Variants in ANK3 observed in about 807,000 individuals in gnomAD.
ANK3 encodes the protein ankyrin-3.
A neutral mutation model predicts 370.9 loss-of-function variants in ANK3; 57 were observed. That is an observed-to-expected ratio of 0.15 (90% CI 0.12 to 0.19). The LOEUF (loss-of-function observed/expected upper bound fraction) is 0.19. Among genes scored for constraint, ANK3 ranks in the 10% least tolerant of loss-of-function variants. The pLI, the probability that ANK3 is intolerant of heterozygous loss-of-function variation, is 1.00. For missense variants in ANK3, 4,439 were observed against 5,302.1 expected, an observed-to-expected ratio of 0.84 and a Z score of 5.06; for synonymous variants, 1,929 against 1,946.3, an observed-to-expected ratio of 0.99 and a Z score of 0.23.
In ANK3 at chr10:60,165,785, T is replaced by C. The variant is rs185068243; in HGVS notation, c.2614+806A>G. On this transcript the variant is annotated intron_variant, in intron 23 of 43. Coordinates refer to ENST00000280772, the MANE Select transcript of ANK3 (RefSeq NM_020987.5). ...GGAGGTCATAATAGGGTAGACTGTA[T>C]TTGATGATCTCCCATCATTTGGGAG... Among the ~76,000 whole-genome samples, 443 of 152,302 alleles carry C rather than the reference T, an allele frequency of 2.9e-3. 2 individuals carry two copies. Among genetic ancestry groups the C allele is most frequent in the Non-Finnish European group, 4.8e-3 (328 of 68,022 alleles).
intron 1 of ANK3, among the ~76,000 whole-genome samples, chr10:60,624,958 C>T (rs1180885550): frequency 6.6e-6 from 1 of 152,132 alleles, no homozygotes; most frequent in Admixed American, 6.5e-5. Flanking sequence ...ACTTCAATTC[C>T]TTCTTCCCTG....
chr10:60,355,986 T>C (rs959366604), intron 1 of ANK3, among the ~76,000 whole-genome samples: 2 of 152,200 alleles, frequency 1.3e-5, no homozygotes, highest in African/African-American at 2.4e-5. Flanking sequence ...GGCATCGTGG[T>C]AGGATTCAAA....
chr10:60,676,302 T>C (rs1170453353), intron 1 of ANK3, among the ~76,000 whole-genome samples: 1 of 152,200 alleles, frequency 6.6e-6, no homozygotes, highest in Non-Finnish European at 1.5e-5. Flanking sequence ...GAAATTGGCT[T>C]AAAAGGATAT....
In ANK3 at chr10:60,173,088, C is replaced by T; in HGVS notation, c.2283G>A (p.Lys761=). ...AGAAACAAAAAAGGAAGGAGCTTAC[C>T]TTTGTTTTGGCATTAACTTTTGCAG... The part of the protein sequence containing the change: ...QHSAKVNAKT[K]NGYTPLHQAA... The change falls in exon 19 of 44, where the codon AAG becomes AAA. Residue 761 remains lysine (K), a splice_region_variant and synonymous_variant. Coordinates refer to ENST00000280772, the MANE Select transcript of ANK3 (RefSeq NM_020987.5). 1 of 1,613,384 alleles carries T rather than the reference C, an allele frequency of 6.2e-7. No individual in the cohort carries two copies. The highest frequency in any genetic ancestry group is 8.5e-7 in the Non-Finnish European group (1 of 1,179,704).
intron 1 of ANK3, among the ~76,000 whole-genome samples, chr10:60,637,986 G>T (rs113807489): frequency 6.6e-6 from 1 of 152,140 alleles, no homozygotes; most frequent in Non-Finnish European, 1.5e-5. Flanking sequence ...AACTTTCTGA[G>T]AGCCAGTTTC....
In ANK3 at chr10:60,029,389, CAAAT is replaced by C. The variant is rs1412026157; in HGVS notation, c.*453_*456del. ...AACTATCGATGTTTTAAAAAAGAAACAAATAGTGTTTATACCCTGACAGTTTGGG... is the reference window on the plus strand; with the variant it reads ...AACTATCGATGTTTTAAAAAAGAAACAGTGTTTATACCCTGACAGTTTGGG... On this transcript the variant is annotated 3_prime_UTR_variant, in exon 44 of 44. Transcript: ENST00000280772. 2 of 152,542 alleles carry C rather than the reference CAAAT, an allele frequency of 1.3e-5. No individual in the cohort carries two copies. Among genetic ancestry groups the C allele is most frequent in the Non-Finnish European group, 2.9e-5 (2 of 68,030 alleles). The allele number at this position is 152,542 out of a possible 1,614,324, so 9.4% of individuals were successfully genotyped here.
At chr10:60,430,700 T>C (rs1049490262) in intron 2 of ANK3, among the ~76,000 whole-genome samples, 7 of 152,138 alleles carry the variant, frequency 4.6e-5, no homozygotes, top group African/African-American at 1.7e-4. Context: ...AGTCAACTTG[T>C]GGGTAATGAG....
At chr10:60,042,031 G>A (rs1439683950) in intron 43 of ANK3, among the ~76,000 whole-genome samples, 1 of 152,166 alleles carries the variant, frequency 6.6e-6, no homozygotes, top group Admixed American at 6.5e-5. Context: ...CCTAATTGTA[G>A]CTAAGTAGAA....
intron 1 of ANK3, among the ~76,000 whole-genome samples, chr10:60,699,585 A>T (rs1041141541): frequency 1.3e-5 from 2 of 151,340 alleles, no homozygotes; most frequent in African/African-American, 4.9e-5. Context: ...AATTATTTTA[A>T]ATCAATACAC....
At chr10:60,458,705 A>G (rs1453107154) in intron 2 of ANK3, among the ~76,000 whole-genome samples, 1 of 152,164 alleles carries the variant, frequency 6.6e-6, no homozygotes, top group Non-Finnish European at 1.5e-5. Flanking sequence ...TATCTACCAC[A>G]TAGCAATGGA....
At chr10:60,647,063 C>T (rs1170137121) in intron 1 of ANK3, among the ~76,000 whole-genome samples, 1 of 152,102 alleles carries the variant, frequency 6.6e-6, no homozygotes, top group Non-Finnish European at 1.5e-5. Flanking sequence ...ATAACAATAA[C>T]ATATTTGAAT....
chr10:60,615,609 C>A (rs574866780), intron 1 of ANK3, among the ~76,000 whole-genome samples: 2 of 152,240 alleles, frequency 1.3e-5, no homozygotes, highest in South Asian at 4.2e-4. Flanking sequence ...TTTTCCTCCG[C>A]ATGAAAATGC....
At chr10:60,393,132 A>C (rs1271089077), upstream of ANK3, among the ~76,000 whole-genome samples, 5 of 152,232 alleles carry the variant, frequency 3.3e-5, no homozygotes, top group Non-Finnish European at 7.3e-5. Context: ...TCATTCTTCA[A>C]ATAAGTCCTA....
intron 2 of ANK3, among the ~76,000 whole-genome samples, chr10:60,543,734 T>A (rs903175037): frequency 1.3e-5 from 2 of 152,068 alleles, no homozygotes; most frequent in African/African-American, 4.8e-5. Flanking sequence ...AAATTTTCAA[T>A]CATTCATTTC....
chr10:60,607,904 G>T (rs563818728), intron 2 of ANK3, among the ~76,000 whole-genome samples: 2 of 152,146 alleles, frequency 1.3e-5, no homozygotes, highest in Admixed American at 6.5e-5. Context: ...ACCTAATGTC[G>T]TTATCAGCCA....
In ANK3 at chr10:60,315,494, T is replaced by G. The variant is rs548939566; in HGVS notation, c.115-35855A>C. Among the ~76,000 whole-genome samples, 8 of 152,138 alleles carry G rather than the reference T, an allele frequency of 5.3e-5. 1 individual carries two copies. In the East Asian group the frequency reaches 1.6e-3, roughly 30 times the overall value. On this transcript the variant is annotated intron_variant, in intron 1 of 43. Transcript: ENST00000280772. The stretch of plus-strand genomic sequence containing the variant: ...AAGGTTGCAATGATTCAAGCACTTA[T>G]CAACTAAAAAGTAAAAACGGTCCAG...
Position 60,271,468 on chromosome 10 carries a change from A to G in ANK3, c.415-1239T>C, listed in dbSNP as rs147842517. On this transcript the variant is annotated intron_variant, in intron 4 of 43. Coordinates refer to ENST00000280772, the MANE Select transcript of ANK3 (RefSeq NM_020987.5). ...GCCATCTGCCTGCCTTGGCCTCTCAAAGTGCTTGATTATAGGTGTGAGCCA... is the reference window on the plus strand; with the variant it reads ...GCCATCTGCCTGCCTTGGCCTCTCAGAGTGCTTGATTATAGGTGTGAGCCA... 4.6e-5 allele frequency among the ~76,000 whole-genome samples: 7 copies of G among 152,196 alleles called. No individual in the cohort carries two copies. The South Asian group carries it at 8.3e-4, about 18-fold the overall frequency.
chr10:60,387,428 T>G (rs2062540608), intron 1 of ANK3, among the ~76,000 whole-genome samples: 1 of 146,976 alleles, frequency 6.8e-6, no homozygotes, highest in African/African-American at 2.5e-5. Context: ...AATAATTCAG[T>G]CTTAACTTTG....
chr10:60,032,644 G>A (rs1250825675), intron 43 of ANK3, among the ~76,000 whole-genome samples: 1 of 152,010 alleles, frequency 6.6e-6, no homozygotes, highest in Non-Finnish European at 1.5e-5. Context: ...CTCAATCCAA[G>A]CAAATGTTAT....
Sources: gnomAD v4.1 joint callset for allele counts (sites outside exome capture counted in the v4.1 genomes callset) on GRCh38, gnomAD v4.1.1 for gene constraint, MANE v1.5 for transcripts, NCBI Gene and HGNC (gene_info 2026-07-23, HGNC 2026-07-21) for gene names.